The following LOXHD1 variants were observed in gnomAD, a reference collection of about 807,000 sequenced individuals.
LOXHD1 encodes the protein lipoxygenase homology domain-containing protein 1.
A neutral mutation model predicts 248.2 loss-of-function variants in LOXHD1; 205 were observed. The observed-to-expected ratio is 0.83, with a 90% CI of 0.74 to 0.93. The LOEUF (loss-of-function observed/expected upper bound fraction) is 0.93, where lower values mean the gene tolerates loss of function less well. LOXHD1 is among the 40% of genes least tolerant of loss of function. The pLI, the probability that LOXHD1 is intolerant of heterozygous loss-of-function variation, is 0.00. For missense variants in LOXHD1, 2,930 were observed against 2,971.6 expected (o/e 0.99, Z 0.33); for synonymous variants, 1,113 against 1,162.8 (o/e 0.96, Z 0.87).
At chr18:46,497,736 C>A (rs974199330) in intron 37 of LOXHD1, among the ~76,000 whole-genome samples, 1 of 152,128 alleles carries the variant, frequency 6.6e-6, no homozygotes, top group African/African-American at 2.4e-5. Flanking sequence ...GATAATGGTA[C>A]CTGTGGAGCT....
At chr18:46,529,357 C>T (rs1462437983) in intron 28 of LOXHD1, 26 bp from the exon 29 acceptor site, 14 of 1,517,110 alleles carry the variant, frequency 9.2e-6, no homozygotes, top group Non-Finnish European at 1.2e-5. Flanking sequence ...GACAGACAGA[C>T]AGACAAAGGG....
intron 4 of LOXHD1, among the ~76,000 whole-genome samples, chr18:46,623,555 C>T (rs1046489552): frequency 2.0e-5 from 3 of 152,250 alleles, no homozygotes; most frequent in African/African-American, 7.2e-5. Context: ...CTGTGCCCCC[C>T]TTGCCCTGCT....
In LOXHD1 at chr18:46,559,531, T is replaced by A. The variant is rs752786668; in HGVS notation, c.3133A>T (p.Thr1045Ser). Residue 1045 changes from threonine (T) to serine (S), a missense_variant, in exon 20 of 41, where the codon ACC (threonine) becomes TCC (serine). Coordinates refer to ENST00000642948, the MANE Select transcript of LOXHD1 (RefSeq NM_001384474.1). ...KAGTDANVYL[T>S]IYGEEYGDTG... ...TCTCCATACTCCTCGCCGTAGATGGTTAGGTAGACGTTAGCATCAGTGCCG... is the reference window on the plus strand; with the variant it reads ...TCTCCATACTCCTCGCCGTAGATGGATAGGTAGACGTTAGCATCAGTGCCG... The A allele has an allele frequency of 6.4e-7, 1 of 1,551,838 alleles. No individual in the cohort carries two copies. The highest frequency in any genetic ancestry group is 8.7e-7 in the Non-Finnish European group (1 of 1,147,060).
chr18:46,593,774 C>G lies in LOXHD1; in HGVS notation c.1271-14G>C. 1 of 1,551,124 alleles carries G rather than the reference C, an allele frequency of 6.4e-7. No individual in the cohort carries two copies. Among genetic ancestry groups the G allele is most frequent in the Non-Finnish European group, 8.7e-7 (1 of 1,146,716 alleles). ...ACCAAGGGAATTCTGTAAGACAGAT[C>G]AAGTTGCACCATAAACTTCAGGAAG... On this transcript the variant is annotated splice_polypyrimidine_tract_variant and intron_variant, in intron 9 of 40. Coordinates refer to ENST00000642948, the MANE Select transcript of LOXHD1 (RefSeq NM_001384474.1).
intron 37 of LOXHD1, among the ~76,000 whole-genome samples, chr18:46,503,361 T>C (rs1342740288): frequency 2.0e-5 from 3 of 152,202 alleles, no homozygotes; most frequent in South Asian, 2.1e-4. Context: ...CCACCCTTAC[T>C]AATCTGATCT....
chr18:46,511,699 G>A (rs1181168980), intron 34 of LOXHD1, among the ~76,000 whole-genome samples: 6 of 152,308 alleles, frequency 3.9e-5, no homozygotes, highest in Non-Finnish European at 7.3e-5. Flanking sequence ...CCTGGGAGAG[G>A]GCTGGCCAGC....
rs368143091 is a variant in LOXHD1, at chr18:46,630,145, G to T, written c.511+9471C>A. On this transcript the variant is annotated intron_variant, in intron 4 of 40. Transcript: ENST00000642948. ...CCCTCTGAATGCAAGGGGCCTCTCT[G>T]CTTCTGCCAGTGCCTGAGTCTGAAA... is the stretch of plus-strand genomic sequence containing the variant. 2.6e-5 allele frequency among the ~76,000 whole-genome samples: 4 copies of T among 152,318 alleles called. No individual in the cohort carries two copies. In the South Asian group the frequency reaches 8.3e-4, roughly 32 times the overall value.
intron 6 of LOXHD1, 90 bp downstream of exon 6, chr18:46,610,686 G>A (rs2038493452): frequency 2.1e-6 from 3 of 1,411,714 alleles, no homozygotes; most frequent in African/African-American, 1.5e-5. Flanking sequence ...GACCTAGAGA[G>A]GAAAGTTGGG....
At chr18:46,534,862 G>C (rs550468420) in intron 26 of LOXHD1, among the ~76,000 whole-genome samples, 1 of 152,158 alleles carries the variant, frequency 6.6e-6, no homozygotes, top group Non-Finnish European at 1.5e-5. Context: ...AGGCCCCTAA[G>C]AGTCCCCCAC....
At chr18:46,524,330 G>A (rs2035719559) in intron 31 of LOXHD1, 136 bp downstream of exon 31, 3 of 1,305,976 alleles carry the variant, frequency 2.3e-6, no homozygotes, top group African/African-American at 2.9e-5. Flanking sequence ...GGTAATATGT[G>A]TGAAAACTAT....
intron 21 of LOXHD1, among the ~76,000 whole-genome samples, chr18:46,553,278 A>G (rs1296913593): frequency 6.6e-6 from 1 of 152,186 alleles, no homozygotes; most frequent in East Asian, 1.9e-4. Flanking sequence ...GCGCCTAAAC[A>G]CATTTTCTCA....
intron 1 of LOXHD1, among the ~76,000 whole-genome samples, chr18:46,654,501 G>T (rs962405819): frequency 6.6e-6 from 1 of 152,234 alleles, no homozygotes; most frequent in Non-Finnish European, 1.5e-5. Flanking sequence ...TGTCTTAGGA[G>T]AGAGAGCAAT....
chr18:46,491,264 A>G (rs2033453059), intron 37 of LOXHD1, among the ~76,000 whole-genome samples: 1 of 152,242 alleles, frequency 6.6e-6, no homozygotes. Context: ...AGGCATCATT[A>G]GTCATTAAGG....
chr18:46,619,254 A>G (rs12458980), intron 4 of LOXHD1, among the ~76,000 whole-genome samples: 62,025 of 151,924 alleles, frequency 0.41, 13,034 homozygotes, highest in East Asian at 0.55. Context: ...AATATGTGAA[A>G]CTGGTAAAAA....
At chr18:46,560,048 T>TCCCGGCCCCCC in intron 19 of LOXHD1, 35 bp downstream of exon 19, 48 of 1,226,286 alleles carry the variant, frequency 3.9e-5, no homozygotes, top group Middle Eastern at 2.1e-4. Context: ...GTCTGGCCAC[T>TCCCGGCCCCCC]CCCTCCCCAC....
intron 17 of LOXHD1, among the ~76,000 whole-genome samples, chr18:46,565,136 C>T (rs2037612484): frequency 1.3e-5 from 2 of 151,984 alleles, no homozygotes; most frequent in African/African-American, 4.8e-5. Flanking sequence ...TGGGGGCATA[C>T]ACCTGTAGTC....
chr18:46,543,846 C>T (rs527325101), intron 23 of LOXHD1, among the ~76,000 whole-genome samples: 13 of 152,334 alleles, frequency 8.5e-5, no homozygotes, highest in African/African-American at 2.6e-4. Context: ...GACAAAGCCA[C>T]ACTCTCTATG....
At chr18:46,614,740 A>ATAAATAAG (rs1438369809) in intron 5 of LOXHD1, among the ~76,000 whole-genome samples, 3 of 151,508 alleles carry the variant, frequency 2.0e-5, no homozygotes, top group African/African-American at 7.3e-5. Context: ...AAATAAATAA[A>ATAAATAAG]TAAATAACTT....
At chr18:46,562,963 A>C in intron 18 of LOXHD1, 102 bp downstream of exon 18, 2 of 1,358,370 alleles carry the variant, frequency 1.5e-6, no homozygotes, top group Non-Finnish European at 9.9e-7. Context: ...GAGGCAGCCC[A>C]TTCTCGGGTG....
Sources: gnomAD v4.1 joint callset for allele counts (sites outside exome capture counted in the v4.1 genomes callset) on GRCh38, gnomAD v4.1.1 for gene constraint, MANE v1.5 for transcripts, NCBI Gene and HGNC (gene_info 2026-07-23, HGNC 2026-07-21) for gene names.